The following KAT6A variants were observed in gnomAD, a reference collection of about 807,000 sequenced individuals.
The protein encoded by KAT6A is histone acetyltransferase KAT6A.
In KAT6A, 9 loss-of-function variants were observed where a neutral mutation model predicts 198.4. The ratio of observed to expected loss-of-function variants is 0.05; its 90% CI spans 0.03 to 0.08. The LOEUF is 0.08. KAT6A is among the 10% of genes least tolerant of loss of function. The pLI, the probability that KAT6A is intolerant of heterozygous loss-of-function variation, is 1.00. For synonymous variants in KAT6A, 890 were observed against 883.0 expected, an observed-to-expected ratio of 1.01 and a Z score of -0.14; for missense variants, 2,077 against 2,509.9, an observed-to-expected ratio of 0.83 and a Z score of 3.69.
intron 9 of KAT6A, among the ~76,000 whole-genome samples, chr8:41,953,379 C>G (rs1472992064): frequency 1.3e-5 from 2 of 152,150 alleles, no homozygotes; most frequent in African/African-American, 4.8e-5. Context: ...AAGTTGAGTG[C>G]TCTTGTGATT....
chr8:42,011,111 T>C (rs974453630), intron 2 of KAT6A, among the ~76,000 whole-genome samples: 1 of 152,190 alleles, frequency 6.6e-6, no homozygotes, highest in Non-Finnish European at 1.5e-5. Flanking sequence ...TCGCCCTTTT[T>C]ACTCAAGGGC....
intron 16 of KAT6A, among the ~76,000 whole-genome samples, chr8:41,936,481 C>G (rs1178035028): frequency 6.6e-6 from 1 of 152,012 alleles, no homozygotes; most frequent in African/African-American, 2.4e-5. Context: ...CATTCTGAGC[C>G]CATGCGAGAT....
At position 41,947,936 on chromosome 8, in the gene KAT6A, C is replaced by T. The variant is rs769432962; in HGVS notation, c.1741-24G>A. 8.3e-6 allele frequency: 13 copies of T among 1,560,140 alleles called. No homozygotes were observed. In the African/African-American group the frequency reaches 1.7e-4, roughly 20 times the overall value. ...ACCTAGAGAAATAAACAGAACAAAA[C>T]AGTCAGTAGAGGGTCTCTTTAGTTC... On this transcript the variant is annotated intron_variant, in intron 10 of 16. Coordinates refer to ENST00000265713, the MANE Select transcript of KAT6A (RefSeq NM_006766.5).
chr8:41,999,160 C>CT (rs1304134746), intron 2 of KAT6A, among the ~76,000 whole-genome samples: 1 of 152,094 alleles, frequency 6.6e-6, no homozygotes, highest in East Asian at 1.9e-4. Flanking sequence ...TTAAGATACT[C>CT]TAACAATCTT....
intron 2 of KAT6A, among the ~76,000 whole-genome samples, chr8:42,027,925 T>A (rs1332988797): frequency 6.6e-6 from 1 of 152,194 alleles, no homozygotes; most frequent in African/African-American, 2.4e-5. Flanking sequence ...GGCTGTAAAC[T>A]TCCCTCTTAA....
At chr8:41,965,115 C>T (rs1823402187) in intron 8 of KAT6A, among the ~76,000 whole-genome samples, 1 of 152,158 alleles carries the variant, frequency 6.6e-6, no homozygotes, top group African/African-American at 2.4e-5. Flanking sequence ...TGTTGTAAGA[C>T]AGGCAGTCCT....
rs1253944894 is a variant in KAT6A at position 41,930,801 on chromosome 8, G to C, written c.*1404C>G. The C allele has an allele frequency of 5.8e-6, 1 of 171,614 alleles. No homozygotes were observed. The highest frequency in any genetic ancestry group is 1.2e-5 in the Non-Finnish European group (1 of 85,156). The allele number at this position is 171,614 out of a possible 1,614,324, so 10.6% of individuals were successfully genotyped here. On this transcript the variant is annotated 3_prime_UTR_variant, in exon 17 of 17. Coordinates refer to ENST00000265713, the MANE Select transcript of KAT6A (RefSeq NM_006766.5). ...TAGGAAGAGAATGGGCAAACTGGTT[G>C]CACGAGAGAAAAGAGAATGGAGTTG...
intron 2 of KAT6A, among the ~76,000 whole-genome samples, chr8:42,016,993 G>T (rs977980549): frequency 6.6e-6 from 1 of 151,914 alleles, no homozygotes; most frequent in Non-Finnish European, 1.5e-5. Context: ...TCAATAAAAA[G>T]ATACTCTCAA....
intron 9 of KAT6A, 127 bp downstream of exon 9, chr8:41,955,169 A>C (rs1338199158): frequency 1.5e-6 from 1 of 645,212 alleles, no homozygotes; most frequent in Non-Finnish European, 2.7e-6. Flanking sequence ...GCTATTATGG[A>C]CATTTAAAAG....
intron 8 of KAT6A, among the ~76,000 whole-genome samples, chr8:41,956,355 T>G (rs923531826): frequency 6.6e-6 from 1 of 151,554 alleles, no homozygotes; most frequent in Admixed American, 6.6e-5. Flanking sequence ...GACAAAAGAG[T>G]TTAGCCTAAC....
rs754646072 is a variant in KAT6A at position 41,931,195 on chromosome 8, ATCAG to A, written c.*1006_*1009del. ...CACTGGGGACTGCTATTTGAGTTTTATCAGTCAAAGGCTCAAGCATCAAGACCCT... is the reference window on the plus strand; with the variant it reads ...CACTGGGGACTGCTATTTGAGTTTTATCAAAGGCTCAAGCATCAAGACCCT... On this transcript the variant is annotated 3_prime_UTR_variant, in exon 17 of 17. Transcript: ENST00000265713. 4.5e-6 allele frequency: 1 copy of A among 223,050 alleles called. No individual in the cohort carries two copies. Among genetic ancestry groups the A allele is most frequent in the East Asian group, 6.5e-5 (1 of 15,336 alleles). 13.8% of individuals were successfully genotyped at this position (223,050 alleles called of 1,614,324 possible). A position where few individuals can be genotyped will look rare whatever the true frequency, so the allele number is the denominator to read the frequency against.
chr8:41,944,095 T>C, intron 12 of KAT6A, 116 bp from the exon 13 acceptor site: 1 of 648,704 alleles, frequency 1.5e-6, no homozygotes, highest in Non-Finnish European at 2.6e-6. Context: ...GGTAAATTCC[T>C]TCCAAAAAAA....
At chr8:41,982,586 A>C (rs908765617) in intron 3 of KAT6A, among the ~76,000 whole-genome samples, 6 of 152,308 alleles carry the variant, frequency 3.9e-5, no homozygotes, top group Admixed American at 3.9e-4. Context: ...GAGTAGCATA[A>C]TGAGATCTGC....
At chr8:41,973,172 C>T (rs1217430160) in intron 8 of KAT6A, among the ~76,000 whole-genome samples, 1 of 152,192 alleles carries the variant, frequency 6.6e-6, no homozygotes, top group Non-Finnish European at 1.5e-5. Context: ...TATTCACCAC[C>T]ACTGGGTCTC....
At chr8:41,944,595 G>C (rs1822288171) in intron 12 of KAT6A, among the ~76,000 whole-genome samples, 1 of 152,192 alleles carries the variant, frequency 6.6e-6, no homozygotes, top group Non-Finnish European at 1.5e-5. Context: ...AGATGGCAGA[G>C]AAAGGTATTT....
intron 3 of KAT6A, among the ~76,000 whole-genome samples, chr8:41,984,423 G>C (rs1824505901): frequency 6.6e-6 from 1 of 152,094 alleles, no homozygotes; most frequent in Non-Finnish European, 1.5e-5. Flanking sequence ...ACAAGCCCGT[G>C]GCAGCAGCAA....
chr8:42,018,490 C>A (rs990476084), intron 2 of KAT6A, among the ~76,000 whole-genome samples: 4 of 151,426 alleles, frequency 2.6e-5, no homozygotes, highest in Admixed American at 6.6e-5. Context: ...CCAGCCTGGG[C>A]AACAAGAGCA....
chr8:42,020,650 A>C (rs1282560173), intron 2 of KAT6A, among the ~76,000 whole-genome samples: 1 of 152,200 alleles, frequency 6.6e-6, no homozygotes, highest in Non-Finnish European at 1.5e-5. Context: ...TAATTACTCA[A>C]GAGTAAAAGA....
At chr8:41,972,388 T>C (rs952241736) in intron 8 of KAT6A, among the ~76,000 whole-genome samples, 1 of 152,226 alleles carries the variant, frequency 6.6e-6, no homozygotes, top group South Asian at 2.1e-4. Context: ...TCTCAAAGTA[T>C]GTCCCCCCAA....
Sources: gnomAD v4.1 joint callset for allele counts (sites outside exome capture counted in the v4.1 genomes callset) on GRCh38, gnomAD v4.1.1 for gene constraint, MANE v1.5 for transcripts, NCBI Gene and HGNC (gene_info 2026-07-23, HGNC 2026-07-21) for gene names.